The following PCSK5 variants were observed in gnomAD, a reference collection of about 807,000 sequenced individuals.
PCSK5 encodes proprotein convertase subtilisin/kexin type 5, also known as prohormone convertase 5.
Under a neutral mutation model 233.2 loss-of-function variants are expected in PCSK5, and 129 were observed. The observed-to-expected ratio is 0.55, with a 90% CI of 0.48 to 0.64. The LOEUF (loss-of-function observed/expected upper bound fraction) is 0.64, where lower values mean the gene tolerates loss of function less well. PCSK5 is among the 30% of genes least tolerant of loss of function. The pLI is 0.00. For synonymous variants in PCSK5, 825 were observed against 879.2 expected (o/e 0.94, Z 1.09); for missense variants, 2,076 against 2,430.1 (o/e 0.85, Z 3.06).
At chr9:76,231,649 T>C (rs1826087488) in intron 21 of PCSK5, among the ~76,000 whole-genome samples, 1 of 152,218 alleles carries the variant, frequency 6.6e-6, no homozygotes, top group Non-Finnish European at 1.5e-5. Context: ...ACTAGCCACA[T>C]CCAGACTATT....
In PCSK5 at chr9:76,351,427, C is replaced by CA. The variant is rs1045828765; in HGVS notation, c.5067+499_5067+500insA. ...TCTGGTTTCTACCAGAAACCGCCCCCCCCTGCAATGTGAAAGAAAGGAAAG... is the reference window on the plus strand; with the variant it reads ...TCTGGTTTCTACCAGAAACCGCCCCCACCCTGCAATGTGAAAGAAAGGAAAG... On this transcript the variant is annotated intron_variant, in intron 36 of 37. Coordinates refer to ENST00000674117, the MANE Select transcript of PCSK5 (RefSeq NM_001372043.1). Among the ~76,000 whole-genome samples the CA allele has an allele frequency of 1.0e-4, 11 of 106,752 alleles. 1 individual carries two copies. The highest frequency in any genetic ancestry group is 1.5e-4 in the African/African-American group (4 of 27,272). The allele number at this position is 106,752 out of a possible 152,430, so 70.0% of individuals were successfully genotyped here.
chr9:76,299,083 G>T (rs1828529620), intron 27 of PCSK5, among the ~76,000 whole-genome samples: 1 of 152,134 alleles, frequency 6.6e-6, no homozygotes, highest in African/African-American at 2.4e-5. Context: ...TTTTAATAAG[G>T]TGGCTAATCA....
intron 24 of PCSK5, among the ~76,000 whole-genome samples, chr9:76,248,122 G>A (rs1487257077): frequency 1.3e-5 from 2 of 152,040 alleles, no homozygotes; most frequent in South Asian, 2.1e-4. Flanking sequence ...AAGAGATGGG[G>A]TCGCACTATA....
In PCSK5 at chr9:76,359,300, G is replaced by A. The variant is rs961250663; in HGVS notation, c.*378G>A. On this transcript the variant is annotated 3_prime_UTR_variant, in exon 38 of 38. Transcript: ENST00000674117. ...TTCTGTTTCCGAGCTGCATTGTGGA[G>A]GTGTCTGCTGCCTCCTGGTATTCTA... The A allele has an allele frequency of 1.6e-5, 3 of 183,720 alleles. No homozygotes were observed. Among genetic ancestry groups the A allele is most frequent in the African/African-American group, 7.0e-5 (3 of 42,792 alleles). The allele number at this position is 183,720 out of a possible 1,614,324, so 11.4% of individuals were successfully genotyped here. A position where few individuals can be genotyped will look rare whatever the true frequency, so the allele number is the denominator to read the frequency against.
At chr9:76,225,243 G>A (rs1825852684) in intron 20 of PCSK5, among the ~76,000 whole-genome samples, 1 of 152,174 alleles carries the variant, frequency 6.6e-6, no homozygotes, top group African/African-American at 2.4e-5. Flanking sequence ...GAACCCACGA[G>A]TAGGGTCTTT....
At chr9:75,933,281 A>G (rs1230832817) in intron 2 of PCSK5, among the ~76,000 whole-genome samples, 2 of 152,108 alleles carry the variant, frequency 1.3e-5, no homozygotes, top group Non-Finnish European at 2.9e-5. Context: ...ACTGAGAACT[A>G]ATTGGCCTCT....
chr9:76,183,963 T>C (rs897274647), intron 16 of PCSK5, among the ~76,000 whole-genome samples: 14 of 152,188 alleles, frequency 9.2e-5, no homozygotes, highest in African/African-American at 3.4e-4. Flanking sequence ...TTGCCAACTT[T>C]TTTCAATATG....
intron 36 of PCSK5, among the ~76,000 whole-genome samples, chr9:76,351,517 A>AAGGAAGG (rs1564196885): frequency 8.2e-6 from 1 of 122,208 alleles, no homozygotes; most frequent in African/African-American, 3.0e-5. Flanking sequence ...AGAAAGAAAG[A>AAGGAAGG]AAGAAAGAAA....
chr9:76,043,024 G>A (rs1829190201), intron 5 of PCSK5, among the ~76,000 whole-genome samples: 1 of 152,100 alleles, frequency 6.6e-6, no homozygotes, highest in Admixed American at 6.5e-5. Context: ...AGGATTGGCA[G>A]ACTAGGAAGG....
chr9:76,172,235 C>T (rs1247096451), intron 13 of PCSK5, among the ~76,000 whole-genome samples: 4 of 152,044 alleles, frequency 2.6e-5, no homozygotes, highest in Non-Finnish European at 5.9e-5. Context: ...AACCTATATA[C>T]GCAGATTGCA....
At chr9:76,188,963 A>G in intron 18 of PCSK5, 131 bp from the exon 19 acceptor site, 4 of 820,044 alleles carry the variant, frequency 4.9e-6, no homozygotes, top group Non-Finnish European at 5.5e-6. Flanking sequence ...TCCCAGGGAA[A>G]TCAAGAAAAA....
intron 1 of PCSK5, among the ~76,000 whole-genome samples, chr9:75,915,978 A>T (rs1373262754): frequency 6.6e-6 from 1 of 152,210 alleles, no homozygotes; most frequent in Non-Finnish European, 1.5e-5. Flanking sequence ...GGTAGGCATA[A>T]TGGTTATTTA....
intron 5 of PCSK5, among the ~76,000 whole-genome samples, chr9:76,036,181 A>T (rs1587530703): frequency 6.6e-6 from 1 of 152,280 alleles, no homozygotes; most frequent in East Asian, 1.9e-4. Flanking sequence ...AAAGGTTATA[A>T]TTTTTGTATT....
chr9:76,080,103 G>T (rs1830778777), intron 7 of PCSK5, among the ~76,000 whole-genome samples: 1 of 151,808 alleles, frequency 6.6e-6, no homozygotes, highest in Non-Finnish European at 1.5e-5. Flanking sequence ...TTTAAAATGA[G>T]ATTCCCTGAA....
At chr9:76,211,672 A>T (rs1825332518) in intron 20 of PCSK5, among the ~76,000 whole-genome samples, 1 of 152,198 alleles carries the variant, frequency 6.6e-6, no homozygotes, top group Non-Finnish European at 1.5e-5. Flanking sequence ...AACATAGGGA[A>T]ATGCTATGTC....
At position 76,350,894 on chromosome 9, in the gene PCSK5, C is replaced by T. The variant is rs750832900; in HGVS notation, c.5033C>T (p.Ser1678Leu). Residue 1678 changes from serine (S) to leucine (L), a missense_variant, in exon 36 of 38, where the codon TCG (serine) becomes TTG (leucine). By Grantham distance (145) the Ser-to-Leu change is moderately radical (BLOSUM62 -2). Coordinates refer to ENST00000674117, the MANE Select transcript of PCSK5 (RefSeq NM_001372043.1). ...CACCTCATGGGAGGGATCTGCACCT[C>T]GGACTGTCTTGTGGGGGAATACAGA... is the stretch of plus-strand genomic sequence containing the variant. ...SYHLMGGICT[S>L]DCLVGEYRVG... 20 of 1,607,394 alleles carry T rather than the reference C, an allele frequency of 1.2e-5. No homozygotes were observed. The highest frequency in any genetic ancestry group is 5.0e-5 in the Admixed American group (3 of 59,788).
intron 7 of PCSK5, among the ~76,000 whole-genome samples, chr9:76,084,736 G>A (rs1315422720): frequency 6.6e-6 from 1 of 152,098 alleles, no homozygotes; most frequent in Non-Finnish European, 1.5e-5. Context: ...AAGTTGATAG[G>A]GAGAACAGAC....
chr9:76,324,694 G>A (rs1419844340), intron 32 of PCSK5, among the ~76,000 whole-genome samples: 2 of 152,070 alleles, frequency 1.3e-5, no homozygotes, highest in Non-Finnish European at 2.9e-5. Flanking sequence ...TGAATCATTT[G>A]CCTCTTATTC....
At chr9:76,195,000 T>C (rs529226320) in intron 20 of PCSK5, 122 of 176,306 alleles carry the variant, frequency 6.9e-4, no homozygotes, top group African/African-American at 2.8e-3. Flanking sequence ...TGAAAATATT[T>C]CTAGACATCA....
Sources: allele counts gnomAD v4.1 joint callset (sites outside exome capture counted in the v4.1 genomes callset), GRCh38; gene constraint gnomAD v4.1.1; transcripts MANE v1.5; gene names NCBI Gene and HGNC (gene_info 2026-07-23, HGNC 2026-07-21).